The following ZNF800 variants were observed in gnomAD, a reference collection of about 807,000 sequenced individuals.
ZNF800 encodes the protein zinc finger protein 800.
In ZNF800, 13 loss-of-function variants were observed where a neutral mutation model predicts 59.5. That is an observed-to-expected ratio of 0.22 (90% confidence interval 0.14 to 0.35). The LOEUF (loss-of-function observed/expected upper bound fraction) is 0.35. ZNF800 is among the 10% of genes least tolerant of loss of function. The pLI is 1.00. For missense variants in ZNF800, 621 were observed against 783.7 expected (o/e 0.79, Z 2.48); for synonymous variants, 266 against 265.7 (o/e 1.00, Z -0.01).
rs1273874558 is a variant in ZNF800, at chr7:127,374,424, C to T, written c.912G>A (p.Arg304=). 3 of 1,613,796 alleles carry T rather than the reference C, an allele frequency of 1.9e-6. No individual in the cohort carries two copies. Among genetic ancestry groups the T allele is most frequent in the East Asian group, 2.2e-5 (1 of 44,866 alleles). ...KSFATKANVR[R]HFDEVHRGLR... is the part of the protein sequence containing the mutation. ...GTCCTCTATGAACTTCATCAAAATG[C>T]CTCCTTACATTCGCTTTTGTAGCAA... The change falls in exon 5 of 6, where the codon AGG becomes AGA. Residue 304 remains arginine, a synonymous_variant. Coordinates refer to ENST00000265827, the MANE Select transcript of ZNF800 (RefSeq NM_176814.5).
In ZNF800 at chr7:127,392,094, G is replaced by A. The variant is rs1009933061; in HGVS notation, c.-93C>T. On this transcript the variant is annotated 5_prime_UTR_variant, in exon 1 of 6. Coordinates refer to ENST00000265827, the MANE Select transcript of ZNF800 (RefSeq NM_176814.5). ...AGGGCGGGCCGGCGGGCGGGCGGAA[G>A]GAAGGAAGGCAGGCCGGGCGGCCGC... 5 of 392,270 alleles carry A rather than the reference G, an allele frequency of 1.3e-5. No homozygotes were observed. Among genetic ancestry groups the A allele is most frequent in the Non-Finnish European group, 1.8e-5 (4 of 222,462 alleles). 24.3% of individuals were successfully genotyped at this position (392,270 alleles called of 1,614,324 possible).
At chr7:127,391,885 C>CCGGG (rs1348869157) in intron 1 of ZNF800, among the ~76,000 whole-genome samples, 175 bp downstream of exon 1, 1 of 151,584 alleles carries the variant, frequency 6.6e-6, no homozygotes, top group Non-Finnish European at 1.5e-5. Flanking sequence ...CCTCGCCGTC[C>CCGGG]CGGGCGGGCG....
intron 1 of ZNF800, chr7:127,351,281 C>T (rs1800163741): frequency 6.6e-6 from 1 of 152,224 alleles, no homozygotes; most frequent in African/African-American, 2.4e-5. Flanking sequence ...TATTCAAATC[C>T]TGTCCATCTC....
At position 127,373,747 on chromosome 7, in the gene ZNF800, C is replaced by T; in HGVS notation, c.1589G>A (p.Arg530Gln). 1 of 1,614,018 alleles carries T rather than the reference C, an allele frequency of 6.2e-7. No individual in the cohort carries two copies. The highest frequency in any genetic ancestry group is 8.5e-7 in the Non-Finnish European group (1 of 1,180,006). ...KCPLCTYETR[R>Q]KRDVIRHITV... ...TATATGTCGTATCACATCACGTTTC[C>T]GACGAGTTTCATAAGTGCAAAGAGG... The change falls in exon 5 of 6, where the codon CGG becomes CAG. Residue 530 changes from arginine to glutamine, a missense_variant. By Grantham distance (43) the Arg-to-Gln change is conservative. Transcript: ENST00000265827.
rs190726833 is a variant in ZNF800 at position 127,392,409 on chromosome 7, C to T, written c.-408G>A. On this transcript the variant is annotated 5_prime_UTR_variant, in exon 1 of 6. Coordinates refer to ENST00000265827, the MANE Select transcript of ZNF800 (RefSeq NM_176814.5). ...CCGCCACCACCGAAGGAGCCGGAAC[C>T]GGAGCGGGCAGGACCTGAGGCTTCC... 2.4e-3 allele frequency: 923 copies of T among 378,634 alleles called. 3 individuals are homozygous for T. Among genetic ancestry groups the T allele is most frequent in the African/African-American group, 0.015 (706 of 47,972 alleles). 23.5% of individuals were successfully genotyped at this position (378,634 alleles called of 1,614,324 possible).
At chr7:127,353,587 C>T (rs1800211868) in intron 1 of ZNF800, among the ~76,000 whole-genome samples, 1 of 152,000 alleles carries the variant, frequency 6.6e-6, no homozygotes, top group Non-Finnish European at 1.5e-5. Flanking sequence ...ACAGAATTAC[C>T]AAGTAAATAA....
At chr7:127,357,990 T>C (rs1002931954) in intron 1 of ZNF800, among the ~76,000 whole-genome samples, 2 of 152,026 alleles carry the variant, frequency 1.3e-5, no homozygotes, top group African/African-American at 4.8e-5. Flanking sequence ...TATTTATTCT[T>C]CCTGGTAATC....
intron 1 of ZNF800, among the ~76,000 whole-genome samples, chr7:127,351,902 T>C (rs1262820182): frequency 1.3e-5 from 2 of 152,194 alleles, no homozygotes; most frequent in South Asian, 2.1e-4. Flanking sequence ...ATCAAATGTA[T>C]TCTGGAACTG....
Position 127,370,860 on chromosome 7 carries a change from CTTTAAGA to C in ZNF800, c.*947_*953del, listed in dbSNP as rs1800616052. 1 of 152,206 alleles carries C rather than the reference CTTTAAGA, an allele frequency of 6.6e-6. No individual in the cohort carries two copies. The highest frequency in any genetic ancestry group is 1.5e-5 in the Non-Finnish European group (1 of 67,898). The allele number at this position is 152,206 out of a possible 1,614,324, so 9.4% of individuals were successfully genotyped here. A position where few individuals can be genotyped will look rare whatever the true frequency, so the allele number is the denominator to read the frequency against. ...GAATCAAATATTATCTAAAGTGGTCCTTTAAGATTTTTCTTGGGAGAAAAAAAAATCA... is the reference window on the plus strand; with the variant it reads ...GAATCAAATATTATCTAAAGTGGTCCTTTTTCTTGGGAGAAAAAAAAATCA... On this transcript the variant is annotated 3_prime_UTR_variant, in exon 6 of 6. Transcript: ENST00000265827.
Position 127,377,193 on chromosome 7 carries a change from C to G in ZNF800, c.294G>C (p.Met98Ile). The change falls in exon 4 of 6, where the codon ATG becomes ATC. Residue 98 changes from methionine to isoleucine, a missense_variant. Coordinates refer to ENST00000265827, the MANE Select transcript of ZNF800 (RefSeq NM_176814.5). The surrounding 1 kb of genome is among the most constrained non-coding windows in gnomAD (Gnocchi z 4.7). ...TATATGAATAAAACTTACTGTCATC[C>G]ATCTGGAGACTTGGTGGGCAGTAGA... ...KKFYCPPSLQ[M>I]DDNLPDVNDK... 3 of 1,610,204 alleles carry G rather than the reference C, an allele frequency of 1.9e-6. No individual in the cohort carries two copies. In the South Asian group the frequency reaches 3.3e-5, roughly 18 times the overall value.
chr7:127,347,563 G>T (rs1008530206), exon 2 of ZNF800: 1 of 152,398 alleles, frequency 6.6e-6, no homozygotes, highest in East Asian at 1.9e-4. Flanking sequence ...GATTCTCAAA[G>T]AAGCCGGGAT....
chr7:127,346,675 T>G (rs1048080759), downstream of ZNF800: 2 of 152,272 alleles, frequency 1.3e-5, no homozygotes, highest in South Asian at 4.1e-4. Flanking sequence ...GAATGTCTGA[T>G]GATGTGCTAG....
chr7:127,386,862 C>T (rs989280682), intron 2 of ZNF800, among the ~76,000 whole-genome samples: 9 of 152,050 alleles, frequency 5.9e-5, no homozygotes, highest in Non-Finnish European at 1.2e-4. Context: ...AAGCAACAAA[C>T]ATAGGTTATA....
At chr7:127,375,140 C>A in intron 4 of ZNF800, 106 bp from the exon 5 acceptor site, 1 of 909,870 alleles carries the variant, frequency 1.1e-6, no homozygotes. Flanking sequence ...TATCATATTA[C>A]CAGTTTATTT....
chr7:127,371,892 T>A (rs1459130382), intron 5 of ZNF800, 78 bp from the exon 6 acceptor site: 1 of 654,846 alleles, frequency 1.5e-6, no homozygotes, highest in African/African-American at 1.9e-5. Context: ...CAACAGTAAA[T>A]TACTTCTAAA....
downstream of ZNF800, among the ~76,000 whole-genome samples, chr7:127,368,627 A>T (rs1382278051): frequency 6.6e-6 from 1 of 152,138 alleles, no homozygotes; most frequent in Non-Finnish European, 1.5e-5. Context: ...CATTTTCAGA[A>T]GTCATGCTAT....
In ZNF800 at chr7:127,374,950, T is replaced by C. The variant is rs1800748254; in HGVS notation, c.386A>G (p.Tyr129Cys). The C allele has an allele frequency of 6.2e-7, 1 of 1,613,544 alleles. No individual in the cohort carries two copies. Among genetic ancestry groups the C allele is most frequent in the Non-Finnish European group, 8.5e-7 (1 of 1,179,818 alleles). ...AIYPSVDKREYIIKLEPIETN... is the reference protein window; with the variant it reads ...AIYPSVDKRECIIKLEPIETN... ...TTCTATGGGTTCTAGCTTAATAATATATTCTCGTTTGTCCACACTTGGATA... is the reference window on the plus strand; with the variant it reads ...TTCTATGGGTTCTAGCTTAATAATACATTCTCGTTTGTCCACACTTGGATA... The change falls in exon 5 of 6, where the codon TAT (tyrosine) becomes TGT (cysteine). Residue 129 changes from tyrosine (Y) to cysteine (C), a missense_variant. This residue lies in a region of ZNF800 where 218 missense variants were observed against 230.8 expected (regional missense o/e 0.94). Transcript: ENST00000265827.
rs563834798 is a variant in ZNF800, at chr7:127,384,110, A to G, written c.157+1950T>C. Among the ~76,000 whole-genome samples, 62 of 152,094 alleles carry G rather than the reference A, an allele frequency of 4.1e-4. 1 individual carries two copies. The South Asian group carries it at 0.013, about 31-fold the overall frequency. ...TAAATATTTGCCTTCTAAAATTAAA[A>G]AAGATTTTTGGAATCTTTTTTAATT... On this transcript the variant is annotated intron_variant, in intron 3 of 5. Coordinates refer to ENST00000265827, the MANE Select transcript of ZNF800 (RefSeq NM_176814.5).
At chr7:127,355,418 G>A (rs879061392) in intron 1 of ZNF800, among the ~76,000 whole-genome samples, 1 of 152,044 alleles carries the variant, frequency 6.6e-6, no homozygotes, top group Non-Finnish European at 1.5e-5. Flanking sequence ...GTCTAATCAT[G>A]GGGGGCAATG....
Sources: gnomAD v4.1 joint callset for allele counts (sites outside exome capture counted in the v4.1 genomes callset) on GRCh38, gnomAD v4.1.1 for gene constraint, gnomAD v4.1.1 regional missense constraint, Gnocchi (gnomAD v3.1) non-coding constraint, MANE v1.5 for transcripts, NCBI Gene and HGNC (gene_info 2026-07-23, HGNC 2026-07-21) for gene names.